The following LRRC37A2 variants were observed in gnomAD, a reference collection of about 807,000 sequenced individuals.
LRRC37A2 encodes leucine-rich repeat-containing protein 37A2.
Under a neutral mutation model 68.8 loss-of-function variants are expected in LRRC37A2, and 9 were observed. The ratio of observed to expected loss-of-function variants is 0.13; its 90% CI spans 0.08 to 0.23. The LOEUF (loss-of-function observed/expected upper bound fraction) is 0.23, where lower values mean the gene tolerates loss of function less well. Ranked by LOEUF, LRRC37A2 falls within the 10% of genes least tolerant of loss-of-function variation. The pLI is 1.00. For missense variants in LRRC37A2, 168 were observed against 950.4 expected (o/e 0.18, Z 10.82); for synonymous variants, 63 against 367.6 (o/e 0.17, Z 9.48).
the LRRC37A2 span, among the ~76,000 whole-genome samples, chr17:46,795,357 C>A: frequency 6.6e-6 from 1 of 152,324 alleles, no homozygotes; most frequent in East Asian, 1.9e-4. Context: ...GGAAAGCAGA[C>A]AGCTGACCCT....
At chr17:46,768,119 T>C in the LRRC37A2 span, among the ~76,000 whole-genome samples, 1 of 152,170 alleles carries the variant, frequency 6.6e-6, no homozygotes, top group Non-Finnish European at 1.5e-5. The surrounding 1 kb of genome is among the most constrained non-coding windows in gnomAD (Gnocchi z 5.0). Context: ...CTTTGTGCAA[T>C]CCACCAAGTC....
the LRRC37A2 span, among the ~76,000 whole-genome samples, chr17:46,927,331 T>A: frequency 6.6e-6 from 1 of 152,242 alleles, no homozygotes; most frequent in Admixed American, 6.5e-5. Context: ...CATTCATTTG[T>A]TTATTTTGTG....
the LRRC37A2 span, among the ~76,000 whole-genome samples, chr17:46,734,128 T>C: frequency 6.6e-6 from 1 of 152,232 alleles, no homozygotes; most frequent in Non-Finnish European, 1.5e-5. Context: ...ATAGGACATC[T>C]TGGTATCTTG....
At chr17:46,846,042 C>T in the LRRC37A2 span, among the ~76,000 whole-genome samples, 4 of 152,164 alleles carry the variant, frequency 2.6e-5, no homozygotes, top group South Asian at 8.3e-4. Context: ...CCACCCACTT[C>T]AGCCTCCCAA....
the LRRC37A2 span, among the ~76,000 whole-genome samples, chr17:46,899,269 T>C: frequency 6.6e-6 from 1 of 152,028 alleles, no homozygotes; most frequent in Non-Finnish European, 1.5e-5. Flanking sequence ...CCAGGTATGG[T>C]GTCATGTGCC....
chr17:46,947,989 C>T, the LRRC37A2 span, among the ~76,000 whole-genome samples: 226 of 152,302 alleles, frequency 1.5e-3, no homozygotes, highest in African/African-American at 5.1e-3. Context: ...AGGCTGGTCT[C>T]GATCTCCTGA....
At chr17:46,978,953 C>T in the LRRC37A2 span, 129 of 1,454,090 alleles carry the variant, frequency 8.9e-5, 1 homozygote, top group African/African-American at 1.8e-3. Flanking sequence ...CCGGCGCCGC[C>T]GCCCACGCCG....
chr17:47,017,133 T>C, the LRRC37A2 span: 1 of 1,600,696 alleles, frequency 6.2e-7, no homozygotes, highest in African/African-American at 1.3e-5. Context: ...AATACAGGTG[T>C]CATAAAGACA....
At chr17:46,598,468 T>A in the LRRC37A2 span, among the ~76,000 whole-genome samples, 1 of 152,080 alleles carries the variant, frequency 6.6e-6, no homozygotes, top group East Asian at 1.9e-4. Context: ...ACACATACTT[T>A]AGTGCAAATA....
At chr17:46,882,341 C>T in the LRRC37A2 span, among the ~76,000 whole-genome samples, 1 of 152,154 alleles carries the variant, frequency 6.6e-6, no homozygotes, top group African/African-American at 2.4e-5. Flanking sequence ...CGTGGAATAC[C>T]TCTCAACTGA....
the LRRC37A2 span, among the ~76,000 whole-genome samples, chr17:46,907,733 T>C: frequency 6.8e-6 from 1 of 146,876 alleles, no homozygotes; most frequent in African/African-American, 2.5e-5. Flanking sequence ...GTGCCTGTGG[T>C]CCCAGCTACT....
the LRRC37A2 span, among the ~76,000 whole-genome samples, chr17:46,775,609 CTT>C: frequency 3.6e-5 from 4 of 111,630 alleles, no homozygotes; most frequent in Non-Finnish European, 5.5e-5. Flanking sequence ...GCCAGAAGTT[CTT>C]TTTTTTTTTT....
the LRRC37A2 span, among the ~76,000 whole-genome samples, chr17:46,915,586 G>T: frequency 6.6e-6 from 1 of 152,228 alleles, no homozygotes; most frequent in African/African-American, 2.4e-5. Flanking sequence ...ACCTAGGCAA[G>T]CAGGGTCCCT....
the LRRC37A2 span, among the ~76,000 whole-genome samples, chr17:47,022,124 T>C: frequency 1.4e-5 from 2 of 147,152 alleles, no homozygotes; most frequent in Non-Finnish European, 1.5e-5. Context: ...TTAAATTTAT[T>C]TTTTATCATA....
At chr17:46,828,678 T>G in the LRRC37A2 span, among the ~76,000 whole-genome samples, 1 of 151,366 alleles carries the variant, frequency 6.6e-6, no homozygotes, top group Non-Finnish European at 1.5e-5. Flanking sequence ...TCTGCCCAGG[T>G]CGGGCACGGT....
chr17:46,935,105 A>G, the LRRC37A2 span: 4 of 1,613,658 alleles, frequency 2.5e-6, no homozygotes, highest in African/African-American at 2.7e-5. Context: ...AACGGCATGG[A>G]TGACCTCATT....
the LRRC37A2 span, among the ~76,000 whole-genome samples, chr17:46,969,802 G>A: frequency 2.0e-5 from 3 of 152,184 alleles, no homozygotes; most frequent in African/African-American, 7.2e-5. Context: ...GAGTGTATAG[G>A]AAGGCATGAG....
the LRRC37A2 span, chr17:46,923,226 G>T: frequency 6.4e-7 from 1 of 1,551,046 alleles, no homozygotes; most frequent in Non-Finnish European, 8.7e-7. Flanking sequence ...GCACAAGTGA[G>T]GGCCGGTCGG....
At chr17:46,768,001 C>A in the LRRC37A2 span, among the ~76,000 whole-genome samples, 47 of 152,212 alleles carry the variant, frequency 3.1e-4, no homozygotes, top group African/African-American at 1.1e-3. The surrounding 1 kb of genome is among the most constrained non-coding windows in gnomAD (Gnocchi z 5.0). Context: ...TTGGCCAGGC[C>A]GGTCTCGAAC....
Sources: allele counts gnomAD v4.1 joint callset (sites outside exome capture counted in the v4.1 genomes callset), GRCh38; gene constraint gnomAD v4.1.1; non-coding constraint Gnocchi (gnomAD v3.1); transcripts MANE v1.5; gene names NCBI Gene and HGNC (gene_info 2026-07-23, HGNC 2026-07-21).